DSCAM: variants seen among roughly 807,000 people sequenced by gnomAD.
DSCAM encodes the protein cell adhesion molecule DSCAM.
A neutral mutation model predicts 217.7 loss-of-function variants in DSCAM; 47 were observed. The observed-to-expected ratio is 0.22, with a 90% CI of 0.17 to 0.28. The LOEUF (loss-of-function observed/expected upper bound fraction) is 0.28, where lower values mean the gene tolerates loss of function less well. DSCAM is among the 10% of genes least tolerant of loss of function. The pLI, the probability that DSCAM is intolerant of heterozygous loss-of-function variation, is 1.00. For missense variants in DSCAM, 2,080 were observed against 2,618.3 expected, an observed-to-expected ratio of 0.79 and a Z score of 4.49; for synonymous variants, 1,056 against 1,015.3, an observed-to-expected ratio of 1.04 and a Z score of -0.76.
intron 16 of DSCAM, among the ~76,000 whole-genome samples, chr21:40,164,243 A>G (rs1355858545): frequency 1.3e-5 from 2 of 152,186 alleles, no homozygotes; most frequent in East Asian, 1.9e-4. Context: ...GCAGTCATGC[A>G]CAATCTGAGC....
intron 3 of DSCAM, among the ~76,000 whole-genome samples, chr21:40,529,105 T>C (rs1282396354): frequency 6.6e-6 from 1 of 151,740 alleles, no homozygotes; most frequent in Non-Finnish European, 1.5e-5. Context: ...GGGATTTCAC[T>C]GTATTAGCCA....
chr21:40,391,710 AATAC>A (rs1279718342), intron 3 of DSCAM, among the ~76,000 whole-genome samples: 1 of 152,204 alleles, frequency 6.6e-6, no homozygotes, highest in East Asian at 1.9e-4. Context: ...ATGTTCACTC[AATAC>A]ATACTTGCTC....
intron 27 of DSCAM, among the ~76,000 whole-genome samples, chr21:40,073,846 G>A (rs1340499557): frequency 2.0e-5 from 3 of 152,090 alleles, no homozygotes; most frequent in African/African-American, 7.2e-5. Flanking sequence ...TAATTGGTTC[G>A]CACGATTGCG....
At chr21:40,388,965 T>C (rs1338295758) in intron 3 of DSCAM, among the ~76,000 whole-genome samples, 1 of 152,206 alleles carries the variant, frequency 6.6e-6, no homozygotes, top group Non-Finnish European at 1.5e-5. Flanking sequence ...ACAGTGTAAC[T>C]ACCCTGTGCC....
chr21:40,564,516 T>A (rs191946450), intron 3 of DSCAM, among the ~76,000 whole-genome samples: 9 of 152,278 alleles, frequency 5.9e-5, no homozygotes, highest in Admixed American at 5.2e-4. Context: ...ACTTCTGGCC[T>A]TCCTTTGACC....
chr21:40,600,713 G>C (rs765684930), intron 3 of DSCAM, among the ~76,000 whole-genome samples: 1 of 152,070 alleles, frequency 6.6e-6, no homozygotes, highest in Admixed American at 6.6e-5. Context: ...GTTAAAGCAC[G>C]TATTGTAAAA....
chr21:40,807,015 G>C (rs371974899), intron 1 of DSCAM, among the ~76,000 whole-genome samples: 1 of 152,074 alleles, frequency 6.6e-6, no homozygotes, highest in Admixed American at 6.6e-5. Flanking sequence ...CGTAGATGAT[G>C]GGTTGATGGG....
intron 4 of DSCAM, among the ~76,000 whole-genome samples, chr21:40,362,265 A>G (rs1274359520): frequency 2.0e-5 from 3 of 152,030 alleles, no homozygotes; most frequent in Non-Finnish European, 4.4e-5. Context: ...CAGCATATGT[A>G]CCCTAAAACT....
chr21:40,211,963 CT>C (rs538369747), intron 11 of DSCAM, among the ~76,000 whole-genome samples: 675 of 131,286 alleles, frequency 5.1e-3, no homozygotes, highest in Non-Finnish European at 5.7e-3. Flanking sequence ...AATTCTGAAG[CT>C]TTTTTTTTTT....
chr21:40,204,936 C>A (rs1047328282), intron 11 of DSCAM, among the ~76,000 whole-genome samples: 3 of 152,202 alleles, frequency 2.0e-5, no homozygotes, highest in Non-Finnish European at 4.4e-5. Context: ...ATGCATGGCA[C>A]ATTTGCAGGA....
chr21:40,517,404 A>ACACACACACAC (rs2076310968), intron 3 of DSCAM, among the ~76,000 whole-genome samples: 4 of 144,776 alleles, frequency 2.8e-5, no homozygotes, highest in African/African-American at 7.8e-5. Context: ...ACACACAAGC[A>ACACACACACAC]ACACACACAC....
At chr21:40,821,184 TTGAG>T (rs1271146663) in intron 1 of DSCAM, among the ~76,000 whole-genome samples, 1 of 150,654 alleles carries the variant, frequency 6.6e-6, no homozygotes, top group East Asian at 1.9e-4. Context: ...CTTCACTGTT[TTGAG>T]TTTGTCAAAT....
chr21:40,544,906 T>G (rs1468654063), intron 3 of DSCAM, among the ~76,000 whole-genome samples: 6 of 146,334 alleles, frequency 4.1e-5, no homozygotes, highest in Non-Finnish European at 7.4e-5. Context: ...TTTATTTAAT[T>G]AAAAGTTTCC....
chr21:40,188,010 T>G (rs1223856661), intron 12 of DSCAM, 23 bp from the exon 13 acceptor site: 5 of 1,588,174 alleles, frequency 3.1e-6, no homozygotes, highest in Non-Finnish European at 3.4e-6. Context: ...CAGAAAGAAA[T>G]TCATCTTTTT....
At chr21:40,550,299 C>T (rs894625825) in intron 3 of DSCAM, among the ~76,000 whole-genome samples, 12 of 152,142 alleles carry the variant, frequency 7.9e-5, no homozygotes, top group Admixed American at 2.6e-4. Flanking sequence ...CGGAGGTGGG[C>T]GGATCACCTG....
At chr21:40,388,660 A>G (rs905544927) in intron 3 of DSCAM, among the ~76,000 whole-genome samples, 15 of 152,242 alleles carry the variant, frequency 9.9e-5, no homozygotes, top group African/African-American at 3.6e-4. Flanking sequence ...CTCCACTGAT[A>G]AACCAGCTGT....
At chr21:40,286,427 C>A (rs1316739811) in intron 10 of DSCAM, among the ~76,000 whole-genome samples, 2 of 152,160 alleles carry the variant, frequency 1.3e-5, no homozygotes, top group Non-Finnish European at 2.9e-5. Flanking sequence ...GTGAAACATG[C>A]AAGGGCATAC....
At chr21:40,423,461 G>T (rs1002744038) in intron 3 of DSCAM, among the ~76,000 whole-genome samples, 1 of 152,196 alleles carries the variant, frequency 6.6e-6, no homozygotes, top group Non-Finnish European at 1.5e-5. Flanking sequence ...CGGGAAGCTC[G>T]TCCTAAGCGA....
At chr21:40,833,756 A>C (rs1258611029) in intron 1 of DSCAM, among the ~76,000 whole-genome samples, 1 of 152,202 alleles carries the variant, frequency 6.6e-6, no homozygotes, top group East Asian at 1.9e-4. Flanking sequence ...TCTCTCCAGG[A>C]CCACTCTAAA....
Sources: gnomAD v4.1 joint callset for allele counts (sites outside exome capture counted in the v4.1 genomes callset) on GRCh38, gnomAD v4.1.1 for gene constraint, MANE v1.5 for transcripts, NCBI Gene and HGNC (gene_info 2026-07-23, HGNC 2026-07-21) for gene names.